The following ARHGAP22 variants were observed in gnomAD, a reference collection of about 807,000 sequenced individuals.
ARHGAP22 encodes the protein rho GTPase-activating protein 22.
ARHGAP22 carries 48 observed loss-of-function variants against 59.1 expected under a neutral mutation model. That is an observed-to-expected ratio of 0.81 (90% CI 0.64 to 1.03). The LOEUF is 1.03. Ranked by LOEUF, ARHGAP22 falls within the 50% of genes least tolerant of loss-of-function variation. ARHGAP22 has a pLI of 0.00. For synonymous variants in ARHGAP22, 445 were observed against 416.4 expected, an observed-to-expected ratio of 1.07 and a Z score of -0.84; for missense variants, 1,015 against 958.7, an observed-to-expected ratio of 1.06 and a Z score of -0.78.
rs754515078 is a variant in ARHGAP22, at chr10:48,645,938, T to C, written c.52+6296A>G. Among the ~76,000 whole-genome samples, 105 of 152,152 alleles carry C rather than the reference T, an allele frequency of 6.9e-4. 3 individuals carry two copies. Among genetic ancestry groups the C allele is most frequent in the Admixed American group, 5.2e-4 (8 of 15,280 alleles). Reference sequence around the variant, plus strand: ...TTTATTTGCAGATGATATGATACTGTGTTTGGAAAATTATCACAAGAACTA... The same window carrying C: ...TTTATTTGCAGATGATATGATACTGCGTTTGGAAAATTATCACAAGAACTA... On this transcript the variant is annotated intron_variant, in intron 1 of 9. Coordinates refer to the ARHGAP22 transcript ENST00000435790.
upstream of ARHGAP22, among the ~76,000 whole-genome samples, chr10:48,608,384 A>G (rs560396457): frequency 2.0e-5 from 3 of 152,308 alleles, no homozygotes; most frequent in African/African-American, 4.8e-5. Flanking sequence ...GTGTTCCAGC[A>G]CAGGGAGGTG....
At chr10:48,566,324 G>A (rs2058046008) in intron 2 of ARHGAP22, among the ~76,000 whole-genome samples, 1 of 152,154 alleles carries the variant, frequency 6.6e-6, no homozygotes, top group African/African-American at 2.4e-5. Flanking sequence ...GGAACTGAAT[G>A]TCTCTGAGTT....
the ARHGAP22 span, among the ~76,000 whole-genome samples, chr10:48,433,105 G>C: frequency 6.6e-6 from 1 of 152,132 alleles, no homozygotes; most frequent in Non-Finnish European, 1.5e-5. Flanking sequence ...ACTTAAGAGA[G>C]GAATGACCCA....
chr10:48,511,372 C>T (rs1473614500), intron 3 of ARHGAP22, among the ~76,000 whole-genome samples: 1 of 152,196 alleles, frequency 6.6e-6, no homozygotes, highest in Middle Eastern at 3.2e-3. Context: ...GTGGCCTGAC[C>T]CCAAGGCCAT....
chr10:48,599,924 G>A (rs1194878634), intron 1 of ARHGAP22, among the ~76,000 whole-genome samples: 1 of 152,170 alleles, frequency 6.6e-6, no homozygotes, highest in Non-Finnish European at 1.5e-5. Flanking sequence ...TGGCATCCCT[G>A]GGGGCATGAG....
At chr10:48,619,634 C>A (rs2061213622) in intron 1 of ARHGAP22, among the ~76,000 whole-genome samples, 1 of 152,112 alleles carries the variant, frequency 6.6e-6, no homozygotes, top group African/African-American at 2.4e-5. Context: ...CACTGGATAT[C>A]TATGTGATCT....
the ARHGAP22 span, chr10:48,436,070 A>G: frequency 1.3e-5 from 2 of 152,196 alleles, no homozygotes; most frequent in Admixed American, 1.3e-4. Context: ...TACTTGTAGC[A>G]TAATCATTTA....
At position 48,512,819 on chromosome 10, in the gene ARHGAP22, C is replaced by T. The variant is rs562429810; in HGVS notation, c.323-33055G>A. 3.3e-5 allele frequency among the ~76,000 whole-genome samples: 5 copies of T among 152,280 alleles called. 1 individual carries two copies. The South Asian group carries it at 1.0e-3, about 32-fold the overall frequency. The stretch of plus-strand genomic sequence containing the variant: ...CACTGCTTCCTTGAGACCAAGCCCT[C>T]GGGTACCTTAACCCACCTCCATGTC... On this transcript the variant is annotated intron_variant, in intron 3 of 9. Transcript: ENST00000249601.
At chr10:48,451,761 A>C in intron 8 of ARHGAP22, 13 of 558,134 alleles carry the variant, frequency 2.3e-5, no homozygotes, top group East Asian at 9.6e-5. Flanking sequence ...GCCTCCCCAA[A>C]TCCCCCAACA....
chr10:48,516,846 A>T (rs1412238162), intron 3 of ARHGAP22, among the ~76,000 whole-genome samples: 2 of 152,224 alleles, frequency 1.3e-5, no homozygotes, highest in South Asian at 4.1e-4. Flanking sequence ...CTCAAGAAAA[A>T]CTAGCAAAAT....
upstream of ARHGAP22, among the ~76,000 whole-genome samples, chr10:48,605,389 C>T (rs2060633064): frequency 6.8e-6 from 1 of 146,664 alleles, no homozygotes; most frequent in Non-Finnish European, 1.5e-5. Flanking sequence ...CACTGTTTTA[C>T]GTGTTGAAAG....
At chr10:48,482,957 G>A (rs2049475955) in intron 3 of ARHGAP22, among the ~76,000 whole-genome samples, 1 of 151,694 alleles carries the variant, frequency 6.6e-6, no homozygotes, top group Non-Finnish European at 1.5e-5. Context: ...CTCAGCCTCT[G>A]GTAACCATCA....
chr10:48,543,950 C>T (rs1477444350), intron 3 of ARHGAP22, among the ~76,000 whole-genome samples: 6 of 152,048 alleles, frequency 3.9e-5, no homozygotes, highest in Non-Finnish European at 8.8e-5. Context: ...GGTGAAACCC[C>T]GTCTCTACTA....
chr10:48,559,152 T>C (rs2057517943), intron 2 of ARHGAP22, among the ~76,000 whole-genome samples: 1 of 152,208 alleles, frequency 6.6e-6, no homozygotes, highest in Admixed American at 6.5e-5. Flanking sequence ...CTTCCTACTA[T>C]AGTGCCAGGT....
intron 2 of ARHGAP22, among the ~76,000 whole-genome samples, chr10:48,580,438 C>T (rs2059037761): frequency 6.6e-6 from 1 of 152,220 alleles, no homozygotes; most frequent in African/African-American, 2.4e-5. Flanking sequence ...AGAGGAGGCT[C>T]TGTCCATGTG....
intron 2 of ARHGAP22, among the ~76,000 whole-genome samples, chr10:48,555,849 C>G (rs1336478941): frequency 6.6e-6 from 1 of 152,206 alleles, no homozygotes; most frequent in Non-Finnish European, 1.5e-5. Context: ...AGCGCCTGAT[C>G]CAGTGTGCCA....
intron 3 of ARHGAP22, among the ~76,000 whole-genome samples, chr10:48,498,124 C>A (rs1399144800): frequency 6.6e-6 from 1 of 152,170 alleles, no homozygotes; most frequent in Admixed American, 6.5e-5. Context: ...CTTGGCCTGT[C>A]ATCACGAGCC....
intron 8 of ARHGAP22, among the ~76,000 whole-genome samples, chr10:48,452,068 A>G (rs1198398842): frequency 6.6e-6 from 1 of 151,914 alleles, no homozygotes; most frequent in Non-Finnish European, 1.5e-5. Context: ...CCACATACAT[A>G]TAATCTCGCA....
At chr10:48,566,786 C>T (rs1357208412) in intron 2 of ARHGAP22, among the ~76,000 whole-genome samples, 1 of 152,208 alleles carries the variant, frequency 6.6e-6, no homozygotes, top group Non-Finnish European at 1.5e-5. Context: ...CCATGTTCTG[C>T]AGAGAGCAGG....
Sources: allele counts gnomAD v4.1 joint callset (sites outside exome capture counted in the v4.1 genomes callset), GRCh38; gene constraint gnomAD v4.1.1; transcripts MANE v1.5; gene names NCBI Gene and HGNC (gene_info 2026-07-23, HGNC 2026-07-21).